Variants in PHF3 observed in about 807,000 individuals in gnomAD.
PHF3 encodes the protein PHD finger protein 3.
In PHF3, 41 loss-of-function variants were observed where a neutral mutation model predicts 178.4. That is an observed-to-expected ratio of 0.23 (90% CI 0.18 to 0.30). The LOEUF is 0.30. Among genes scored for constraint, PHF3 ranks in the 10% least tolerant of loss-of-function variants. PHF3 has a pLI of 1.00. For missense variants in PHF3, 2,346 were observed against 2,398.1 expected (o/e 0.98, Z 0.45); for synonymous variants, 842 against 800.5 (o/e 1.05, Z -0.88).
chr6:63,716,581 G>A lies in PHF3; in HGVS notation c.*2873G>A, dbSNP rs192645114. On this transcript the variant is annotated 3_prime_UTR_variant, in exon 16 of 16. Coordinates refer to ENST00000262043, the MANE Select transcript of PHF3 (RefSeq NM_001370348.2). ...AAACCACACAAATTTATGATCTTAC[G>A]GTTCTGTGGATCAGAAGTCTGTGCA... Among the ~76,000 whole-genome samples the A allele has an allele frequency of 4.9e-4, 75 of 152,136 alleles. No individual in the cohort carries two copies. Among genetic ancestry groups the A allele is most frequent in the African/African-American group, 1.7e-3 (69 of 41,528 alleles).
At chr6:63,683,326 CTCTT>C (rs1347963967) in intron 3 of PHF3, among the ~76,000 whole-genome samples, 1 of 151,870 alleles carries the variant, frequency 6.6e-6, no homozygotes, top group Non-Finnish European at 1.5e-5. Context: ...TTATTTAGCT[CTCTT>C]TCTTTTTAGC....
intron 2 of PHF3, among the ~76,000 whole-genome samples, chr6:63,657,244 T>C (rs1055840718): frequency 3.9e-5 from 6 of 152,248 alleles, no homozygotes; most frequent in Non-Finnish European, 5.9e-5. Flanking sequence ...TCATGTATTC[T>C]CTTTATTCCA....
intron 1 of PHF3, among the ~76,000 whole-genome samples, chr6:63,642,294 A>G (rs1377294469): frequency 2.0e-5 from 3 of 152,194 alleles, no homozygotes; most frequent in African/African-American, 7.2e-5. Context: ...AGCCTTTGTT[A>G]GCTTCCAGAG....
chr6:63,640,783 AT>A (rs1319676570), intron 1 of PHF3, among the ~76,000 whole-genome samples: 2 of 152,246 alleles, frequency 1.3e-5, no homozygotes, highest in African/African-American at 4.8e-5. Flanking sequence ...TGTTTTGAGG[AT>A]TAAATGAATT....
At chr6:63,686,174 A>T (rs1342594550) in intron 4 of PHF3, 1 of 408,866 alleles carries the variant, frequency 2.4e-6, no homozygotes, top group Non-Finnish European at 4.3e-6. Context: ...GTCACAGGTT[A>T]GACAGTGTAA....
chr6:63,664,818 A>G (rs1224258277), intron 2 of PHF3, among the ~76,000 whole-genome samples: 4 of 152,112 alleles, frequency 2.6e-5, no homozygotes, highest in Non-Finnish European at 2.9e-5. Flanking sequence ...TCGATTATAC[A>G]TACATTTAAA....
At chr6:63,706,311 C>T in intron 12 of PHF3, 87 bp downstream of exon 12, 1 of 991,500 alleles carries the variant, frequency 1.0e-6, no homozygotes, top group Non-Finnish European at 1.5e-6. Context: ...AGAAAAGTGA[C>T]ATTTTGGGAA....
At chr6:63,709,120 A>G in intron 13 of PHF3, 31 bp from the exon 14 acceptor site, 1 of 1,151,626 alleles carries the variant, frequency 8.7e-7, no homozygotes, top group African/African-American at 1.6e-5. Flanking sequence ...ATCTATATAT[A>G]TTGATCTCTT....
Position 63,645,776 on chromosome 6 carries a change from A to G in PHF3, c.-25-751A>G, listed in dbSNP as rs148240234. 4.6e-5 allele frequency among the ~76,000 whole-genome samples: 7 copies of G among 152,244 alleles called. No homozygotes were observed. In the East Asian group the frequency reaches 1.4e-3, roughly 29 times the overall value. On this transcript the variant is annotated intron_variant, in intron 1 of 15. Coordinates refer to ENST00000262043, the MANE Select transcript of PHF3 (RefSeq NM_001370348.2). ...AATGTAGGTACAATTCAAATGGGAG[A>G]CTAACTTGATACTTGTATAGACCAC... is the stretch of plus-strand genomic sequence containing the variant.
At chr6:63,675,209 G>T (rs1199049509) in intron 2 of PHF3, among the ~76,000 whole-genome samples, 3 of 152,074 alleles carry the variant, frequency 2.0e-5, no homozygotes, top group Admixed American at 1.3e-4. Flanking sequence ...ACCATTTGGG[G>T]TTAAATTTAT....
chr6:63,691,411 A>C (rs985307977), intron 4 of PHF3, among the ~76,000 whole-genome samples: 2 of 152,128 alleles, frequency 1.3e-5, no homozygotes, highest in African/African-American at 4.8e-5. Context: ...ATTTATTGTT[A>C]GTCTATACTT....
chr6:63,661,821 A>G (rs982379382), intron 2 of PHF3, among the ~76,000 whole-genome samples: 6 of 152,162 alleles, frequency 3.9e-5, no homozygotes, highest in African/African-American at 9.6e-5. Context: ...AGAGCTGGGT[A>G]TGAGATTGCA....
At chr6:63,656,755 C>G (rs1047171367) in intron 2 of PHF3, among the ~76,000 whole-genome samples, 5 of 152,170 alleles carry the variant, frequency 3.3e-5, no homozygotes, top group Non-Finnish European at 7.3e-5. Flanking sequence ...TTCTAATACT[C>G]TCATACTTGA....
intron 2 of PHF3, among the ~76,000 whole-genome samples, chr6:63,665,486 G>GTTTTTTTTTTTTTTTTTTTTTT (rs11427203): frequency 9.0e-6 from 1 of 111,218 alleles, no homozygotes; most frequent in African/African-American, 3.5e-5. Flanking sequence ...GTTTTTTTTT[G>GTTTTTTTTTTTTTTTTTTTTTT]TTTTTTTTTT....
In PHF3 at chr6:63,720,728, T is replaced by C. The variant is rs1032060937; in HGVS notation, c.*7020T>C. On this transcript the variant is annotated 3_prime_UTR_variant, in exon 16 of 16. Coordinates refer to ENST00000262043, the MANE Select transcript of PHF3 (RefSeq NM_001370348.2). ...CAACAAAATTGGTTTTAAAAATCTCTTGAGTAACGATATTTACCTTTCTAC... is the reference window on the plus strand; with the variant it reads ...CAACAAAATTGGTTTTAAAAATCTCCTGAGTAACGATATTTACCTTTCTAC... 2 of 1,549,510 alleles carry C rather than the reference T, an allele frequency of 1.3e-6. No individual in the cohort carries two copies. The highest frequency in any genetic ancestry group is 2.4e-5 in the East Asian group (1 of 40,824).
At position 63,706,166 on chromosome 6, in the gene PHF3, G is replaced by A; in HGVS notation, c.3505G>A (p.Glu1169Lys). 6.2e-7 allele frequency: 1 copy of A among 1,613,984 alleles called. No individual in the cohort carries two copies. Among genetic ancestry groups the A allele is most frequent in the Non-Finnish European group, 8.5e-7 (1 of 1,179,916 alleles). ...TTCAACCTCAAATATTTTGGCTTCTGAATTCTTTGAGGAGGAGAAACAGGA... is the reference window on the plus strand; with the variant it reads ...TTCAACCTCAAATATTTTGGCTTCTAAATTCTTTGAGGAGGAGAAACAGGA... ...LSSTSNILAS[E>K]FFEEEKQESP... The change falls in exon 12 of 16, where the codon GAA becomes AAA. Residue 1169 changes from glutamate (E) to lysine (K), a missense_variant. Physicochemically the swap from Glu to Lys is moderately conservative, Grantham distance 56. Coordinates refer to ENST00000262043, the MANE Select transcript of PHF3 (RefSeq NM_001370348.2).
Position 63,685,060 on chromosome 6 carries a change from A to G in PHF3, c.1338A>G (p.Gln446=). Residue 446 remains glutamine (Q), a synonymous_variant, in exon 4 of 16, where the codon CAA becomes CAG. Transcript: ENST00000262043. The stretch of plus-strand genomic sequence containing the variant: ...ATGCTATTTGTGATGTGCCTGACCA[A>G]AATTCAAAACAGTTGAATGCTATAG... The part of the protein sequence containing the change: ...LENAICDVPD[Q]NSKQLNAIES... 1.2e-6 allele frequency: 2 copies of G among 1,614,080 alleles called. No individual in the cohort carries two copies. Among genetic ancestry groups the G allele is most frequent in the Non-Finnish European group, 1.7e-6 (2 of 1,179,976 alleles).
In PHF3 at chr6:63,715,227, C is replaced by G. The variant is rs1399097408; in HGVS notation, c.*1519C>G. On this transcript the variant is annotated 3_prime_UTR_variant, in exon 16 of 16. Transcript: ENST00000262043. Reference sequence around the variant, plus strand: ...GCAATGACTTGCAGTACTTTTTTCCCTATCCTTATCCTGTGAAACTTACTA... The same window carrying G: ...GCAATGACTTGCAGTACTTTTTTCCGTATCCTTATCCTGTGAAACTTACTA... 3 of 152,072 alleles carry G rather than the reference C, an allele frequency of 2.0e-5. No homozygotes were observed. The highest frequency in any genetic ancestry group is 4.4e-5 in the Non-Finnish European group (3 of 68,018). The allele number at this position is 152,072 out of a possible 1,614,324, so 9.4% of individuals were successfully genotyped here.
rs1346947109 is a variant in PHF3 at position 63,698,221 on chromosome 6, A to G, written c.2681-2A>G. 1 of 1,601,182 alleles carries G rather than the reference A, an allele frequency of 6.2e-7. No homozygotes were observed. Among genetic ancestry groups the G allele is most frequent in the South Asian group, 1.1e-5 (1 of 88,786 alleles). On this transcript the variant is annotated splice_acceptor_variant, in intron 6 of 15. Coordinates refer to ENST00000262043, the MANE Select transcript of PHF3 (RefSeq NM_001370348.2). LOFTEE classifies it high-confidence loss of function. ...ATGAGTTTCGATATTTATTCAAATT[A>G]GGTACTCATGAGAAGCAAGAGATGA...
Sources: gnomAD v4.1 joint callset for allele counts (sites outside exome capture counted in the v4.1 genomes callset) on GRCh38, gnomAD v4.1.1 for gene constraint, MANE v1.5 for transcripts, NCBI Gene and HGNC (gene_info 2026-07-23, HGNC 2026-07-21) for gene names.